The following GALNT7 variants were observed in gnomAD, a reference collection of about 807,000 sequenced individuals.
GALNT7 encodes the protein N-acetylgalactosaminyltransferase 7.
Under a neutral mutation model 82.1 loss-of-function variants are expected in GALNT7, and 60 were observed. That is an observed-to-expected ratio of 0.73 (90% CI 0.59 to 0.91). The LOEUF (loss-of-function observed/expected upper bound fraction) is 0.91. GALNT7 is among the 40% of genes least tolerant of loss of function. The pLI, the probability that GALNT7 is intolerant of heterozygous loss-of-function variation, is 0.00. For missense variants in GALNT7, 660 were observed against 804.2 expected, an observed-to-expected ratio of 0.82 and a Z score of 2.17; for synonymous variants, 243 against 275.1, an observed-to-expected ratio of 0.88 and a Z score of 1.15.
intron 1 of GALNT7, among the ~76,000 whole-genome samples, chr4:173,230,337 T>G (rs1416815777): frequency 1.3e-5 from 2 of 152,208 alleles, no homozygotes. Context: ...TCCTGTTGCT[T>G]AACTACTGCT....
chr4:173,306,180 T>G (rs74872246), intron 8 of GALNT7, among the ~76,000 whole-genome samples: 1 of 152,178 alleles, frequency 6.6e-6, no homozygotes, highest in Admixed American at 6.5e-5. Flanking sequence ...GTTTTACAGA[T>G]AGACCACCGT....
intron 8 of GALNT7, among the ~76,000 whole-genome samples, chr4:173,304,436 G>T (rs921256831): frequency 6.6e-6 from 1 of 150,624 alleles, no homozygotes; most frequent in African/African-American, 2.4e-5. Context: ...TTTTTTAATT[G>T]ACAAGTAAAT....
intron 8 of GALNT7, among the ~76,000 whole-genome samples, chr4:173,308,893 A>T (rs1360558498): frequency 6.6e-6 from 1 of 152,200 alleles, no homozygotes; most frequent in Non-Finnish European, 1.5e-5. Context: ...ACAGAGGGAG[A>T]CTTCGTCTCA....
chr4:173,297,732 G>T (rs968608777), intron 5 of GALNT7: 146 of 717,458 alleles, frequency 2.0e-4, no homozygotes, highest in Non-Finnish European at 2.5e-4. Flanking sequence ...AGATAACGTA[G>T]TTAGGCATGC....
chr4:173,264,435 GGT>G (rs1735403310), intron 2 of GALNT7, among the ~76,000 whole-genome samples: 1 of 152,088 alleles, frequency 6.6e-6, no homozygotes, highest in South Asian at 2.1e-4. Flanking sequence ...GTCCCAATAC[GGT>G]GTGAGTTCTC....
chr4:173,253,416 A>G (rs1487621721), intron 2 of GALNT7, among the ~76,000 whole-genome samples: 1 of 152,150 alleles, frequency 6.6e-6, no homozygotes, highest in African/African-American at 2.4e-5. Flanking sequence ...CAGAGTCTAC[A>G]TTGAATCTGG....
At position 173,193,472 on chromosome 4, in the gene GALNT7, T is replaced by G. The variant is rs369335789; in HGVS notation, c.126+24511T>G. Among the ~76,000 whole-genome samples, 13 of 152,228 alleles carry G rather than the reference T, an allele frequency of 8.5e-5. No homozygotes were observed. In the East Asian group the frequency reaches 2.3e-3, roughly 27 times the overall value. On this transcript the variant is annotated intron_variant, in intron 1 of 11. Coordinates refer to ENST00000265000, the MANE Select transcript of GALNT7 (RefSeq NM_017423.3). ...CCTTGTGTCTCATCTGTCTTTTCTC[T>G]CCCCTCACCCCAACTTTATTTTTTT...
intron 1 of GALNT7, among the ~76,000 whole-genome samples, chr4:173,191,732 A>G (rs534495989): frequency 6.6e-6 from 1 of 152,278 alleles, no homozygotes; most frequent in South Asian, 2.1e-4. Context: ...CATGCTTTCT[A>G]TTGCAGTCTA....
At chr4:173,289,448 G>A (rs1429996243) in intron 2 of GALNT7, among the ~76,000 whole-genome samples, 1 of 152,200 alleles carries the variant, frequency 6.6e-6, no homozygotes, top group Non-Finnish European at 1.5e-5. Flanking sequence ...GCAGAGAGGG[G>A]AGTCCGAGTG....
chr4:173,293,251 C>G (rs1736604288), intron 3 of GALNT7, among the ~76,000 whole-genome samples: 1 of 151,932 alleles, frequency 6.6e-6, no homozygotes, highest in Middle Eastern at 3.2e-3. Context: ...AATTTTGGAC[C>G]TCAGAGTATT....
At chr4:173,180,770 A>G (rs904823526) in intron 1 of GALNT7, among the ~76,000 whole-genome samples, 2 of 152,192 alleles carry the variant, frequency 1.3e-5, no homozygotes, top group Non-Finnish European at 2.9e-5. Context: ...GAAGACTTAA[A>G]TCTTTACCCT....
chr4:173,168,961 G>A lies in GALNT7; in HGVS notation c.126G>A (p.Arg42=), dbSNP rs1463140274. ...PDDPSPLSRM[R]EDRDVNDPMP... is the part of the protein sequence containing the mutation. ...ACCCAAGCCCGCTGAGCAGGATGAGGGTGAGTGACCCGCCCGGCCCCCTCC... is the reference window on the plus strand; with the variant it reads ...ACCCAAGCCCGCTGAGCAGGATGAGAGTGAGTGACCCGCCCGGCCCCCTCC... Residue 42 remains arginine, a splice_region_variant and synonymous_variant, in exon 1 of 12, where the codon AGG becomes AGA. Transcript: ENST00000265000. 6.2e-7 allele frequency: 1 copy of A among 1,613,006 alleles called. No individual in the cohort carries two copies. The highest frequency in any genetic ancestry group is 8.5e-7 in the Non-Finnish European group (1 of 1,179,508).
At chr4:173,285,597 G>T (rs185904785) in intron 2 of GALNT7, among the ~76,000 whole-genome samples, 2 of 152,244 alleles carry the variant, frequency 1.3e-5, no homozygotes, top group East Asian at 3.9e-4. Flanking sequence ...GAACTGAAAG[G>T]TACCACAGCT....
At chr4:173,303,294 G>C (rs1343457302) in intron 7 of GALNT7, among the ~76,000 whole-genome samples, 1 of 152,228 alleles carries the variant, frequency 6.6e-6, no homozygotes, top group Non-Finnish European at 1.5e-5. Flanking sequence ...TAAGGGATGG[G>C]AGGGGGACTT....
intron 1 of GALNT7, among the ~76,000 whole-genome samples, chr4:173,240,945 A>T (rs1014993488): frequency 6.6e-6 from 1 of 152,154 alleles, no homozygotes; most frequent in Non-Finnish European, 1.5e-5. Flanking sequence ...CTTCTGTTTA[A>T]AAAGGGAATT....
intron 2 of GALNT7, among the ~76,000 whole-genome samples, chr4:173,262,003 A>G (rs918729326): frequency 1.3e-5 from 2 of 152,176 alleles, no homozygotes; most frequent in Admixed American, 6.5e-5. Flanking sequence ...TAAAATTAAA[A>G]GAAACGAGTA....
chr4:173,251,199 G>A (rs184009294), intron 2 of GALNT7, among the ~76,000 whole-genome samples: 2 of 152,156 alleles, frequency 1.3e-5, no homozygotes. Flanking sequence ...AATCAGCCAG[G>A]GTTCAAACCT....
chr4:173,229,024 C>G (rs567711530), intron 1 of GALNT7, among the ~76,000 whole-genome samples: 8 of 152,172 alleles, frequency 5.3e-5, no homozygotes, highest in Admixed American at 1.3e-4. Context: ...ATTTTATTTA[C>G]TTCATATTGT....
At chr4:173,319,338 G>A (rs1737720326) in intron 11 of GALNT7, among the ~76,000 whole-genome samples, 1 of 152,040 alleles carries the variant, frequency 6.6e-6, no homozygotes. Flanking sequence ...TATCCCATCT[G>A]TCATGCAAGC....
Sources: allele counts gnomAD v4.1 joint callset (sites outside exome capture counted in the v4.1 genomes callset), GRCh38; gene constraint gnomAD v4.1.1; transcripts MANE v1.5; gene names NCBI Gene and HGNC (gene_info 2026-07-23, HGNC 2026-07-21).